The following MYH15 variants were observed in gnomAD, a reference collection of about 807,000 sequenced individuals.
The protein encoded by MYH15 is myosin heavy chain 15.
Under a neutral mutation model 240.5 loss-of-function variants are expected in MYH15, and 227 were observed. That is an observed-to-expected ratio of 0.94 (90% CI 0.85 to 1.05). The LOEUF (loss-of-function observed/expected upper bound fraction) is 1.05, where lower values mean the gene tolerates loss of function less well. Ranked by LOEUF, MYH15 falls within the 50% of genes least tolerant of loss-of-function variation. MYH15 has a pLI of 0.00. For missense variants in MYH15, 2,217 were observed against 2,247.5 expected, an observed-to-expected ratio of 0.99 and a Z score of 0.27; for synonymous variants, 785 against 796.7, an observed-to-expected ratio of 0.99 and a Z score of 0.25.
At chr3:108,407,866 A>G (rs1294153368) in intron 32 of MYH15, among the ~76,000 whole-genome samples, 1 of 152,226 alleles carries the variant, frequency 6.6e-6, no homozygotes, top group East Asian at 1.9e-4. Context: ...TGAACCACCA[A>G]GGGATCTTGT....
At chr3:108,518,256 T>C (rs191652195) in intron 1 of MYH15, among the ~76,000 whole-genome samples, 1 of 152,234 alleles carries the variant, frequency 6.6e-6, no homozygotes, top group South Asian at 2.1e-4. Flanking sequence ...TCTCTAGTTT[T>C]AAATCCAGAT....
At chr3:108,392,060 T>A (rs2082426527) in intron 36 of MYH15, 130 bp from the exon 37 acceptor site, 1 of 1,000,868 alleles carries the variant, frequency 1.0e-6, no homozygotes, top group African/African-American at 1.6e-5. Context: ...CTCTTCCCAT[T>A]ATAATCTCCC....
At chr3:108,483,970 T>C (rs2083287047) in intron 11 of MYH15, among the ~76,000 whole-genome samples, 1 of 152,208 alleles carries the variant, frequency 6.6e-6, no homozygotes, top group Admixed American at 6.5e-5. Flanking sequence ...TTATTCAGGC[T>C]GACATGATGA....
chr3:108,430,736 G>C (rs2082771723), intron 26 of MYH15, 96 bp downstream of exon 26: 1 of 914,648 alleles, frequency 1.1e-6, no homozygotes. Flanking sequence ...GTTGGCTAAG[G>C]GTATGAATAC....
intron 22 of MYH15, among the ~76,000 whole-genome samples, chr3:108,441,609 G>A (rs1045453343): frequency 6.6e-6 from 1 of 152,136 alleles, no homozygotes. Context: ...TATCCATGTA[G>A]GCACAGAGTT....
intron 15 of MYH15, 56 bp from the exon 16 acceptor site, chr3:108,463,299 C>A: frequency 6.5e-7 from 1 of 1,538,720 alleles, no homozygotes; most frequent in Non-Finnish European, 8.7e-7. Context: ...CATAAGTTAA[C>A]ATGGAAGGCT....
intron 23 of MYH15, among the ~76,000 whole-genome samples, chr3:108,440,138 TAA>T (rs1227424862): frequency 6.6e-6 from 1 of 152,226 alleles, no homozygotes; most frequent in Non-Finnish European, 1.5e-5. Flanking sequence ...GTATTCTGTT[TAA>T]ACATTAATAT....
chr3:108,536,560 T>C, the MYH15 span, among the ~76,000 whole-genome samples: 3 of 152,192 alleles, frequency 2.0e-5, no homozygotes, highest in African/African-American at 4.8e-5. Context: ...GGTGCTAACA[T>C]TGATAATGGG....
At chr3:108,497,549 T>TA (rs2083400654) in intron 6 of MYH15, among the ~76,000 whole-genome samples, 1 of 152,144 alleles carries the variant, frequency 6.6e-6, no homozygotes, top group African/African-American at 2.4e-5. Flanking sequence ...ATTTTTTTTT[T>TA]AATAGGGAAG....
In MYH15 at chr3:108,421,130, T is replaced by G. The variant is rs748471051; in HGVS notation, c.3787A>C (p.Asn1263His). The G allele has an allele frequency of 1.9e-6, 3 of 1,614,152 alleles. No individual in the cohort carries two copies. The highest frequency in any genetic ancestry group is 2.2e-5 in the East Asian group (1 of 44,886). Residue 1263 changes from asparagine to histidine, a missense_variant, in exon 28 of 41, where the codon AAT becomes CAT. Transcript: ENST00000693548. ...TTTGTCTTTTGTGCTGCCAGGTCAT[T>G]TGCCAACTGAGTCACCTTATCTAGC... is the stretch of plus-strand genomic sequence containing the variant. The part of the protein sequence containing the change: ...AKLDKVTQLA[N>H]DLAAQKTKLW...
chr3:108,499,688 C>T (rs181090942), intron 4 of MYH15, among the ~76,000 whole-genome samples: 2 of 152,196 alleles, frequency 1.3e-5, no homozygotes, highest in Admixed American at 6.5e-5. Flanking sequence ...ATCATAAGAA[C>T]ATATAAAGGC....
At chr3:108,457,631 TAA>T (rs369000050) in intron 18 of MYH15, among the ~76,000 whole-genome samples, 10 of 138,086 alleles carry the variant, frequency 7.2e-5, no homozygotes, top group Admixed American at 2.2e-4. Context: ...ACATGAAAAA[TAA>T]AAAAAAAAAA....
At chr3:108,430,703 G>C (rs2082771600) in intron 26 of MYH15, 129 bp downstream of exon 26, 1 of 604,176 alleles carries the variant, frequency 1.7e-6, no homozygotes, top group Admixed American at 3.0e-5. Flanking sequence ...CTTAACCACT[G>C]TTCTTTTCTG....
Position 108,509,985 on chromosome 3 carries a change from C to T in MYH15, c.88+458G>A, listed in dbSNP as rs113028097. Reference sequence around the variant, plus strand: ...TCCAACATCAAAAAATTCTGGAGAGCCAGAGACAACTTCAAAGTCTGCAGC... The same window carrying T: ...TCCAACATCAAAAAATTCTGGAGAGTCAGAGACAACTTCAAAGTCTGCAGC... On this transcript the variant is annotated intron_variant, in intron 1 of 40. Transcript: ENST00000693548. Among the ~76,000 whole-genome samples, 12 of 152,224 alleles carry T rather than the reference C, an allele frequency of 7.9e-5. 1 individual carries two copies. The highest frequency in any genetic ancestry group is 2.9e-4 in the African/African-American group (12 of 41,538).
chr3:108,512,884 C>T (rs573943053), upstream of MYH15, among the ~76,000 whole-genome samples: 1 of 152,184 alleles, frequency 6.6e-6, no homozygotes, highest in South Asian at 2.1e-4. Context: ...GTGGGGCGGG[C>T]CTGGCAACCA....
chr3:108,453,630 A>T (rs1560381896), intron 21 of MYH15, among the ~76,000 whole-genome samples: 2 of 152,138 alleles, frequency 1.3e-5, no homozygotes, highest in African/African-American at 4.8e-5. Flanking sequence ...GGGTCAGAAC[A>T]CCTCGGTCTT....
At chr3:108,426,354 A>G (rs113595985) in intron 27 of MYH15, among the ~76,000 whole-genome samples, 10 of 152,244 alleles carry the variant, frequency 6.6e-5, no homozygotes, top group African/African-American at 2.2e-4. Flanking sequence ...CCCCACCCAC[A>G]AAGGCCCAGA....
chr3:108,428,618 CA>C lies in MYH15; in HGVS notation c.3575del (p.Leu1192ArgfsTer8), dbSNP rs757862033. ...ASLKKRHADSLAELEGQVENL... is the reference protein window; with the variant it reads ...ASLKKRHADSXAELEGQVENL... ...TTTCTACCTGGCCCTCGAGCTCAGC[CA>C]GGCTGTCTGCATGTCTCTTCTTCAA... On this transcript the variant is annotated frameshift_variant, in exon 27 of 41. Coordinates refer to ENST00000693548, the MANE Select transcript of MYH15 (RefSeq NM_014981.3). LOFTEE classifies it high-confidence loss of function. 1 of 1,613,870 alleles carries C rather than the reference CA, an allele frequency of 6.2e-7. No homozygotes were observed. The highest frequency in any genetic ancestry group is 8.5e-7 in the Non-Finnish European group (1 of 1,180,002).
At chr3:108,450,706 C>T (rs2082965181) in intron 21 of MYH15, among the ~76,000 whole-genome samples, 1 of 152,160 alleles carries the variant, frequency 6.6e-6, no homozygotes, top group Non-Finnish European at 1.5e-5. Context: ...GCTCTCACCA[C>T]ACACACAAAA....
Sources: allele counts gnomAD v4.1 joint callset (sites outside exome capture counted in the v4.1 genomes callset), GRCh38; gene constraint gnomAD v4.1.1; transcripts MANE v1.5; gene names NCBI Gene and HGNC (gene_info 2026-07-23, HGNC 2026-07-21).